The following LRP1B variants were observed in gnomAD, a reference collection of about 807,000 sequenced individuals.
LRP1B encodes the protein low-density lipoprotein receptor-related protein 1B.
In LRP1B, 217 loss-of-function variants were observed where a neutral mutation model predicts 556.6. The observed-to-expected ratio is 0.39, with a 90% CI of 0.35 to 0.44. The LOEUF is 0.44. LRP1B is among the 20% of genes least tolerant of loss of function. LRP1B has a pLI of 1.00. For missense variants in LRP1B, 5,053 were observed against 5,620.8 expected, an observed-to-expected ratio of 0.90 and a Z score of 3.23; for synonymous variants, 2,047 against 1,865.8, an observed-to-expected ratio of 1.10 and a Z score of -2.50.
At chr2:141,103,018 T>TTTTATCA (rs1169879260) in intron 7 of LRP1B, among the ~76,000 whole-genome samples, 3 of 152,088 alleles carry the variant, frequency 2.0e-5, no homozygotes, top group Non-Finnish European at 4.4e-5. Context: ...GCAATTCTAT[T>TTTTATCA]TTTATCATTT....
intron 46 of LRP1B, among the ~76,000 whole-genome samples, chr2:140,535,918 A>G (rs375685346): frequency 2.4e-4 from 37 of 152,200 alleles, no homozygotes; most frequent in African/African-American, 7.5e-4. Context: ...CCTTTGTACC[A>G]AAGGACACTA....
chr2:140,331,981 G>A (rs1680842068), intron 79 of LRP1B, among the ~76,000 whole-genome samples: 1 of 151,932 alleles, frequency 6.6e-6, no homozygotes, highest in African/African-American at 2.4e-5. Flanking sequence ...ACAGACATGA[G>A]CCACCACACC....
intron 3 of LRP1B, among the ~76,000 whole-genome samples, chr2:141,467,841 G>GGGGGC (rs1682300030): frequency 9.4e-6 from 1 of 106,296 alleles, no homozygotes; most frequent in Non-Finnish European, 1.9e-5. Context: ...TTGCGGACCG[G>GGGGGC]GGGGGGGGGA....
intron 3 of LRP1B, among the ~76,000 whole-genome samples, chr2:141,256,543 G>C (rs1277663628): frequency 3.3e-5 from 5 of 151,990 alleles, no homozygotes; most frequent in Non-Finnish European, 7.4e-5. Flanking sequence ...TAACAGTAGA[G>C]AGAAAGATAG....
intron 3 of LRP1B, among the ~76,000 whole-genome samples, chr2:141,469,494 G>C (rs916663459): frequency 2.5e-5 from 3 of 120,652 alleles, no homozygotes; most frequent in African/African-American, 8.6e-5. Flanking sequence ...TTCCATGAGG[G>C]CCCATTTTAT....
intron 7 of LRP1B, among the ~76,000 whole-genome samples, chr2:141,108,531 G>A (rs1700669615): frequency 6.6e-6 from 1 of 151,526 alleles, no homozygotes; most frequent in Non-Finnish European, 1.5e-5. Flanking sequence ...TGTATTTTTA[G>A]TAGAGACACA....
At chr2:140,397,507 T>C (rs889433801) in intron 66 of LRP1B, among the ~76,000 whole-genome samples, 16 of 152,130 alleles carry the variant, frequency 1.1e-4, no homozygotes, top group Non-Finnish European at 2.4e-4. Context: ...TGATGTAATA[T>C]AGAAAAGTAG....
At chr2:140,496,370 T>C (rs1688938492) in intron 55 of LRP1B, among the ~76,000 whole-genome samples, 1 of 152,136 alleles carries the variant, frequency 6.6e-6, no homozygotes, top group Non-Finnish European at 1.5e-5. Flanking sequence ...TTGTACACAC[T>C]GAAATTTTTA....
chr2:142,108,759 G>C (rs550678822), intron 1 of LRP1B, among the ~76,000 whole-genome samples: 1 of 152,188 alleles, frequency 6.6e-6, no homozygotes, highest in South Asian at 2.1e-4. Flanking sequence ...TCTTTAATTT[G>C]CCATTAGTAC....
chr2:141,689,168 C>A (rs997298293), intron 2 of LRP1B, among the ~76,000 whole-genome samples: 4 of 151,852 alleles, frequency 2.6e-5, no homozygotes, highest in African/African-American at 9.7e-5. Context: ...GTCATATTAG[C>A]ATGTCTTGTA....
At chr2:141,806,627 A>G (rs568514597) in intron 2 of LRP1B, among the ~76,000 whole-genome samples, 2 of 152,160 alleles carry the variant, frequency 1.3e-5, no homozygotes, top group East Asian at 3.9e-4. Context: ...CTCCTGCTTC[A>G]TGAATACTAG....
intron 32 of LRP1B, among the ~76,000 whole-genome samples, chr2:140,777,183 T>C (rs376311277): frequency 3.3e-5 from 5 of 152,170 alleles, no homozygotes; most frequent in Non-Finnish European, 7.4e-5. Context: ...AATCAATTTC[T>C]ACCTAGAAGT....
Position 141,215,605 on chromosome 2 carries a change from G to T in LRP1B, c.850+13578C>A, listed in dbSNP as rs185947481. Reference sequence around the variant, plus strand: ...GGACAGTGAAGTTCAAGCTGAGGAGGTCTCAGATTTAAATGAACTTATTGG... The same window carrying T: ...GGACAGTGAAGTTCAAGCTGAGGAGTTCTCAGATTTAAATGAACTTATTGG... On this transcript the variant is annotated intron_variant, in intron 6 of 90. Coordinates refer to ENST00000389484, the MANE Select transcript of LRP1B (RefSeq NM_018557.3). 5.9e-5 allele frequency among the ~76,000 whole-genome samples: 9 copies of T among 152,274 alleles called. No individual in the cohort carries two copies. In the East Asian group the frequency reaches 1.2e-3, roughly 20 times the overall value.
intron 31 of LRP1B, among the ~76,000 whole-genome samples, chr2:140,833,788 A>T (rs1027136957): frequency 6.6e-6 from 1 of 152,188 alleles, no homozygotes; most frequent in African/African-American, 2.4e-5. Context: ...GTGAACGAAC[A>T]TGTTAGTGTA....
At chr2:140,573,849 G>A (rs1472977971) in intron 43 of LRP1B, among the ~76,000 whole-genome samples, 1 of 151,966 alleles carries the variant, frequency 6.6e-6, no homozygotes, top group African/African-American at 2.4e-5. Flanking sequence ...GAGGATGTTG[G>A]CCCGGCAATT....
At chr2:140,922,907 C>T (rs559420519) in intron 21 of LRP1B, 58 bp downstream of exon 21, 1 of 1,471,420 alleles carries the variant, frequency 6.8e-7, no homozygotes, top group African/African-American at 1.4e-5. Flanking sequence ...TCAGCCTGAG[C>T]CAAAAGGACT....
At chr2:141,877,735 G>A (rs1030646093) in intron 1 of LRP1B, among the ~76,000 whole-genome samples, 2 of 152,002 alleles carry the variant, frequency 1.3e-5, no homozygotes, top group Admixed American at 1.3e-4. Flanking sequence ...GCAGAAGGTA[G>A]AGTGTTGAAT....
At position 141,055,139 on chromosome 2, in the gene LRP1B, C is replaced by T. The variant is rs2105455722; in HGVS notation, c.1529G>A (p.Gly510Glu). The change falls in exon 10 of 91, where the codon GGA (glycine) becomes GAA (glutamate). Residue 510 changes from glycine (G) to glutamate (E), a missense_variant. Physicochemically the swap from Gly to Glu is moderately conservative, Grantham distance 98 (BLOSUM62 -2). Around this residue, in one of 5 missense-constraint regions of LRP1B, gnomAD observed 3,619 missense variants for 3,931.9 expected, o/e 0.92. Transcript: ENST00000389484. ...ACTTTTGCATGACCTGCCATCACTTCCCAAGTTGAAGCCAGTCCTGCAGCG... is the reference window on the plus strand; with the variant it reads ...ACTTTTGCATGACCTGCCATCACTTTCCAAGTTGAAGCCAGTCCTGCAGCG... ...TCRCRTGFNLGSDGRSCKRPK... is the reference protein window; with the variant it reads ...TCRCRTGFNLESDGRSCKRPK... 1 of 1,612,060 alleles carries T rather than the reference C, an allele frequency of 6.2e-7. No homozygotes were observed. Among genetic ancestry groups the T allele is most frequent in the South Asian group, 1.1e-5 (1 of 90,998 alleles).
intron 2 of LRP1B, among the ~76,000 whole-genome samples, chr2:141,495,446 G>T (rs1307455992): frequency 1.3e-5 from 2 of 152,060 alleles, no homozygotes; most frequent in Non-Finnish European, 2.9e-5. Flanking sequence ...GGAAAATCAG[G>T]CACTGGGCAA....
Sources: allele counts gnomAD v4.1 joint callset (sites outside exome capture counted in the v4.1 genomes callset), GRCh38; gene constraint gnomAD v4.1.1; regional missense constraint gnomAD v4.1.1; transcripts MANE v1.5; gene names NCBI Gene and HGNC (gene_info 2026-07-23, HGNC 2026-07-21).